NUP153: variants seen among roughly 807,000 people sequenced by gnomAD.
NUP153 encodes the protein nuclear pore complex protein Nup153.
In NUP153, 27 loss-of-function variants were observed where a neutral mutation model predicts 134.6. The observed-to-expected ratio is 0.20, with a 90% CI of 0.15 to 0.28. The LOEUF is 0.28. NUP153 is among the 10% of genes least tolerant of loss of function. The pLI is 1.00. For missense variants in NUP153, 1,821 were observed against 1,731.3 expected, an observed-to-expected ratio of 1.05 and a Z score of -0.92; for synonymous variants, 640 against 623.5, an observed-to-expected ratio of 1.03 and a Z score of -0.40.
intron 2 of NUP153, 148 bp downstream of exon 2, chr6:17,688,246 TAA>T (rs1435377620): frequency 1.6e-6 from 1 of 609,060 alleles, no homozygotes; most frequent in Admixed American, 3.1e-5. Flanking sequence ...CACTGATAAA[TAA>T]AAAAGACATC....
intron 1 of NUP153, among the ~76,000 whole-genome samples, chr6:17,703,197 CA>C (rs544859988): frequency 0.013 from 899 of 67,684 alleles, 10 homozygotes; most frequent in Admixed American, 0.043. Flanking sequence ...GACTCCATCT[CA>C]AAAAAAAAAA....
chr6:17,659,685 A>C (rs1229412384), intron 11 of NUP153, among the ~76,000 whole-genome samples: 1 of 152,042 alleles, frequency 6.6e-6, no homozygotes, highest in Non-Finnish European at 1.5e-5. Context: ...GTTGGCCAGG[A>C]TGGTCTCGAT....
At position 17,657,409 on chromosome 6, in the gene NUP153, A is replaced by AAAAAAAT. The variant is rs1766893681; in HGVS notation, c.1395+4237_1395+4243dup. ...ATAAAAAAATAAAAAAATAAAAAAA[A>AAAAAAAT]AAAAAATAGCTAGCCTTGGTGGTGC... On this transcript the variant is annotated intron_variant, in intron 11 of 21. Coordinates refer to ENST00000262077, the MANE Select transcript of NUP153 (RefSeq NM_005124.4). 7.3e-5 allele frequency among the ~76,000 whole-genome samples: 11 copies of AAAAAAAT among 151,262 alleles called. No homozygotes were observed. In the South Asian group the frequency reaches 2.1e-3, roughly 29 times the overall value.
At chr6:17,687,941 C>T (rs1173886131) in intron 2 of NUP153, among the ~76,000 whole-genome samples, 1 of 151,594 alleles carries the variant, frequency 6.6e-6, no homozygotes, top group Non-Finnish European at 1.5e-5. Context: ...GGTGAAACCC[C>T]GTCTCTATAA....
intron 1 of NUP153, among the ~76,000 whole-genome samples, chr6:17,698,247 T>C (rs1003983924): frequency 1.3e-5 from 2 of 152,202 alleles, no homozygotes; most frequent in African/African-American, 4.8e-5. Flanking sequence ...CATAGGCTTA[T>C]AAAATACAAC....
chr6:17,629,601 T>A, intron 17 of NUP153, 62 bp from the exon 18 acceptor site: 1 of 1,451,260 alleles, frequency 6.9e-7, no homozygotes, highest in Non-Finnish European at 9.2e-7. Flanking sequence ...AAACAAAATG[T>A]AAACACTGTG....
In NUP153 at chr6:17,674,437, T is replaced by C. The variant is rs115418136; in HGVS notation, c.852+468A>G. On this transcript the variant is annotated intron_variant, in intron 5 of 21. Coordinates refer to ENST00000262077, the MANE Select transcript of NUP153 (RefSeq NM_005124.4). ...TTATATACCCTAAATGAAAAAAATA[T>C]AACCCATAGCTGTTGTTTTCCCAAA... 3.1e-3 allele frequency among the ~76,000 whole-genome samples: 465 copies of C among 152,220 alleles called. 2 individuals are homozygous for C. Among genetic ancestry groups the C allele is most frequent in the African/African-American group, 0.011 (446 of 41,534 alleles).
chr6:17,625,279 G>A lies in NUP153; in HGVS notation c.3902-446C>T, dbSNP rs1386837667. On this transcript the variant is annotated intron_variant, in intron 19 of 21. Transcript: ENST00000262077. The surrounding 1 kb of genome is among the most constrained non-coding windows in gnomAD (Gnocchi z 4.7). Reference sequence around the variant, plus strand: ...GGGCCAGGCACAGTGGCTCACACCTGTAATCTCAGCACTTTGAAAGGCCGA... The same window carrying A: ...GGGCCAGGCACAGTGGCTCACACCTATAATCTCAGCACTTTGAAAGGCCGA... 6.6e-6 allele frequency among the ~76,000 whole-genome samples: 1 copy of A among 152,176 alleles called. No individual in the cohort carries two copies. The highest frequency in any genetic ancestry group is 2.4e-5 in the African/African-American group (1 of 41,442).
At position 17,706,259 on chromosome 6, in the gene NUP153, G is replaced by A. The variant is rs371220380; in HGVS notation, c.111+18C>T. ...GTTTCCCCACCCGCCAGGCCACCGCGGCGTCGGGGTCCCATACCTGATGCT... is the reference window on the plus strand; with the variant it reads ...GTTTCCCCACCCGCCAGGCCACCGCAGCGTCGGGGTCCCATACCTGATGCT... On this transcript the variant is annotated intron_variant, in intron 1 of 21. Transcript: ENST00000262077. The surrounding 1 kb of genome is among the most constrained non-coding windows in gnomAD (Gnocchi z 5.9). 647 of 1,591,080 alleles carry A rather than the reference G, an allele frequency of 4.1e-4. 1 individual carries two copies. Among genetic ancestry groups the A allele is most frequent in the Non-Finnish European group, 5.3e-4 (613 of 1,159,908 alleles).
intron 16 of NUP153, among the ~76,000 whole-genome samples, 192 bp from the exon 17 acceptor site, chr6:17,633,036 C>CT (rs1231498287): frequency 6.6e-6 from 1 of 152,150 alleles, no homozygotes; most frequent in East Asian, 1.9e-4. Flanking sequence ...GAATAGACCT[C>CT]TCTTTTAACC....
chr6:17,706,374 G>C lies in NUP153; in HGVS notation c.14C>G (p.Ala5Gly). Residue 5 changes from alanine to glycine, a missense_variant, in exon 1 of 22, where the codon GCC becomes GGC. Transcript: ENST00000262077. The surrounding 1 kb of genome is among the most constrained non-coding windows in gnomAD (Gnocchi z 5.9). MASG[A>G]GGVGGGGGGK... is the part of the protein sequence containing the mutation. ...GCCACCGCCCCCTCCGACTCCTCCG[G>C]CTCCCGAGGCCATGGCGGAGCCTCC... 1.2e-6 allele frequency: 2 copies of C among 1,612,030 alleles called. No homozygotes were observed. The highest frequency in any genetic ancestry group is 1.7e-6 in the Non-Finnish European group (2 of 1,179,438).
At chr6:17,698,165 C>T (rs1467432021) in intron 1 of NUP153, among the ~76,000 whole-genome samples, 1 of 152,196 alleles carries the variant, frequency 6.6e-6, no homozygotes, top group African/African-American at 2.4e-5. Flanking sequence ...TTTAATTCTT[C>T]AGCTAGAAAA....
intron 14 of NUP153, among the ~76,000 whole-genome samples, chr6:17,644,031 G>T (rs115381017): frequency 6.6e-6 from 1 of 151,456 alleles, no homozygotes; most frequent in East Asian, 1.9e-4. Context: ...TTTCTATTAC[G>T]TAAGGCTGTG....
intron 15 of NUP153, 41 bp downstream of exon 15, chr6:17,639,898 A>C: frequency 6.4e-7 from 1 of 1,556,788 alleles, no homozygotes; most frequent in Non-Finnish European, 8.7e-7. Context: ...AATTGAGATC[A>C]TGAGTTTGTA....
At chr6:17,705,688 A>ATC (rs1770436296) in intron 1 of NUP153, among the ~76,000 whole-genome samples, 1 of 152,010 alleles carries the variant, frequency 6.6e-6, no homozygotes, top group South Asian at 2.1e-4. Flanking sequence ...GGTTAATAAA[A>ATC]TCTAAGCCAA....
chr6:17,637,828 A>AATTTG, intron 15 of NUP153, 58 bp from the exon 16 acceptor site: 1 of 1,506,214 alleles, frequency 6.6e-7, no homozygotes, highest in Non-Finnish European at 8.8e-7. Context: ...TCAAAGCATT[A>AATTTG]ATTTGATTAT....
chr6:17,673,740 CTT>C (rs1025528486), intron 5 of NUP153, among the ~76,000 whole-genome samples: 1 of 152,158 alleles, frequency 6.6e-6, no homozygotes, highest in African/African-American at 2.4e-5. Context: ...AACAGCAACT[CTT>C]ATATTACCAG....
At chr6:17,702,364 G>A (rs775056435) in intron 1 of NUP153, among the ~76,000 whole-genome samples, 32 of 152,222 alleles carry the variant, frequency 2.1e-4, no homozygotes, top group East Asian at 1.4e-3. Flanking sequence ...AAAATTAGCC[G>A]GACGTGGTGG....
chr6:17,624,887 C>A, intron 19 of NUP153, 54 bp from the exon 20 acceptor site: 1 of 1,467,480 alleles, frequency 6.8e-7, no homozygotes, highest in South Asian at 1.4e-5. Context: ...TCAGATTATC[C>A]TCAAGAAATT....
Sources: gnomAD v4.1 joint callset for allele counts (sites outside exome capture counted in the v4.1 genomes callset) on GRCh38, gnomAD v4.1.1 for gene constraint, Gnocchi (gnomAD v3.1) non-coding constraint, MANE v1.5 for transcripts, NCBI Gene and HGNC (gene_info 2026-07-23, HGNC 2026-07-21) for gene names.